Variants in SELENOI observed in about 807,000 individuals in gnomAD.
SELENOI encodes the protein selenoprotein I.
SELENOI carries 24 observed loss-of-function variants against 50.7 expected under a neutral mutation model. That is an observed-to-expected ratio of 0.47 (90% CI 0.34 to 0.67). The LOEUF is 0.67. Ranked by LOEUF, SELENOI falls within the 30% of genes least tolerant of loss-of-function variation. The pLI is 0.01. For missense variants in SELENOI, 352 were observed against 461.4 expected (o/e 0.76, Z 2.17); for synonymous variants, 155 against 170.2 (o/e 0.91, Z 0.70).
At chr2:26,384,501 C>T (rs1208306784) in intron 7 of SELENOI, among the ~76,000 whole-genome samples, 1 of 152,124 alleles carries the variant, frequency 6.6e-6, no homozygotes, top group African/African-American at 2.4e-5. Context: ...GTATGCCAGT[C>T]GCACCTCAGA....
At chr2:26,371,688 G>A (rs1055675694) in intron 4 of SELENOI, among the ~76,000 whole-genome samples, 1 of 151,716 alleles carries the variant, frequency 6.6e-6, no homozygotes, top group Non-Finnish European at 1.5e-5. Context: ...GCGAAACCCC[G>A]TCTCCACCAA....
intron 4 of SELENOI, among the ~76,000 whole-genome samples, chr2:26,370,065 T>G (rs559509587): frequency 6.6e-5 from 10 of 151,028 alleles, no homozygotes; most frequent in African/African-American, 2.0e-4. Context: ...TGACTCTTAA[T>G]GAGCATGCTG....
In SELENOI at chr2:26,346,146, A is replaced by C. The variant is rs1281209126; in HGVS notation, c.-87A>C. On this transcript the variant is annotated 5_prime_UTR_variant, in exon 1 of 10. Transcript: ENST00000260585. Reference sequence around the variant, plus strand: ...CTTCTCGGGCAGCCCAGTCTTTGCCATCCTTGCCCAGCCGGTGTGGTGCTT... The same window carrying C: ...CTTCTCGGGCAGCCCAGTCTTTGCCCTCCTTGCCCAGCCGGTGTGGTGCTT... 1 of 1,604,724 alleles carries C rather than the reference A, an allele frequency of 6.2e-7. No individual in the cohort carries two copies. The highest frequency in any genetic ancestry group is 1.3e-5 in the African/African-American group (1 of 74,766).
At chr2:26,351,055 G>GTTTTTTTTT (rs35623246) in intron 1 of SELENOI, among the ~76,000 whole-genome samples, 5 of 102,894 alleles carry the variant, frequency 4.9e-5, no homozygotes, top group Admixed American at 1.1e-4. Context: ...CTGTTTGTTT[G>GTTTTTTTTT]TTTTTTTTTT....
intron 4 of SELENOI, 43 bp from the exon 5 acceptor site, chr2:26,373,324 G>C: frequency 6.4e-7 from 1 of 1,573,052 alleles, no homozygotes; most frequent in Non-Finnish European, 8.6e-7. Context: ...TCTCCATCCT[G>C]GTGCATACGT....
At chr2:26,378,507 T>G (rs1185155983) in intron 6 of SELENOI, among the ~76,000 whole-genome samples, 1 of 152,224 alleles carries the variant, frequency 6.6e-6, no homozygotes, top group African/African-American at 2.4e-5. Context: ...ATCTCTCTCT[T>G]CTACAATATC....
intron 4 of SELENOI, among the ~76,000 whole-genome samples, chr2:26,372,945 G>A (rs1460146336): frequency 6.6e-6 from 1 of 152,180 alleles, no homozygotes; most frequent in Non-Finnish European, 1.5e-5. Flanking sequence ...CTGGAATGCA[G>A]TGGCATGATC....
At position 26,389,078 on chromosome 2, in the gene SELENOI, T is replaced by A. The variant is rs1677907968; in HGVS notation, c.1169T>A (p.Met390Lys). ...AAACCAAACTCAGATTGACTAGGAA[T>A]GGAAGAAAAGAATATTGGCCTGTAA... ...LRKPNSDULG[M>K]EEKNIGL Residue 390 changes from methionine (M) to lysine (K), a missense_variant, in exon 10 of 10, where the codon ATG becomes AAG. Transcript: ENST00000260585. The A allele has an allele frequency of 6.3e-7, 1 of 1,582,042 alleles. No homozygotes were observed.
intron 6 of SELENOI, among the ~76,000 whole-genome samples, chr2:26,377,354 G>A (rs1229569929): frequency 1.3e-5 from 2 of 151,942 alleles, no homozygotes; most frequent in Non-Finnish European, 2.9e-5. Context: ...TTTTCCCTGG[G>A]TGCGGTGGCT....
At chr2:26,373,317 C>G in intron 4 of SELENOI, 50 bp from the exon 5 acceptor site, 2 of 1,548,090 alleles carry the variant, frequency 1.3e-6, no homozygotes, top group Non-Finnish European at 1.7e-6. Flanking sequence ...AAGACTTTCT[C>G]CATCCTGGTG....
intron 4 of SELENOI, among the ~76,000 whole-genome samples, chr2:26,369,493 T>A (rs1041091015): frequency 1.3e-5 from 2 of 152,226 alleles, no homozygotes; most frequent in Admixed American, 6.5e-5. Context: ...CTTCTTGTCC[T>A]TAGGCCTTAT....
chr2:26,352,918 G>T (rs975530887), intron 1 of SELENOI, among the ~76,000 whole-genome samples: 2 of 149,696 alleles, frequency 1.3e-5, no homozygotes, highest in African/African-American at 2.5e-5. Flanking sequence ...AGCTGATGCT[G>T]AATAGTGCTT....
At chr2:26,346,549 A>G in intron 1 of SELENOI, 1 of 382,956 alleles carries the variant, frequency 2.6e-6, no homozygotes, top group Non-Finnish European at 4.7e-6. Flanking sequence ...GAGCGAGGGA[A>G]TTCCCTTCCT....
In SELENOI at chr2:26,391,706, T is replaced by G. The variant is rs1677974060; in HGVS notation, c.*2603T>G. On this transcript the variant is annotated 3_prime_UTR_variant, in exon 10 of 10. Coordinates refer to ENST00000260585, the MANE Select transcript of SELENOI (RefSeq NM_033505.4). ...CACCTGTAAGAAGTGTCTTTTTAGG[T>G]TATGGTATTAAAAAAGTCGTTTCAG... is the stretch of plus-strand genomic sequence containing the variant. 1 of 23,514 alleles carries G rather than the reference T, an allele frequency of 4.3e-5. No homozygotes were observed. The highest frequency in any genetic ancestry group is 2.7e-3 in the South Asian group (1 of 368). 1.5% of individuals were successfully genotyped at this position (23,514 alleles called of 1,614,324 possible).
intron 4 of SELENOI, among the ~76,000 whole-genome samples, chr2:26,369,386 T>C (rs1677359820): frequency 6.6e-6 from 1 of 152,248 alleles, no homozygotes; most frequent in South Asian, 2.1e-4. Flanking sequence ...AATTGTACTC[T>C]GCATCTTGTC....
intron 4 of SELENOI, among the ~76,000 whole-genome samples, chr2:26,368,509 C>T (rs1677338120): frequency 6.6e-6 from 1 of 152,188 alleles, no homozygotes; most frequent in Non-Finnish European, 1.5e-5. Context: ...CTTGAACGAA[C>T]ATGAAGCAGT....
chr2:26,374,564 G>GTTTTTT (rs747792225), intron 5 of SELENOI, among the ~76,000 whole-genome samples: 2 of 131,540 alleles, frequency 1.5e-5, no homozygotes, highest in African/African-American at 5.5e-5. Flanking sequence ...CTAAAAGATT[G>GTTTTTT]TATTTTTTTT....
intron 6 of SELENOI, among the ~76,000 whole-genome samples, chr2:26,379,834 T>C (rs1300215678): frequency 6.6e-6 from 1 of 152,226 alleles, no homozygotes; most frequent in Non-Finnish European, 1.5e-5. Flanking sequence ...TATTTTTATC[T>C]CCTTTAAACT....
intron 1 of SELENOI, among the ~76,000 whole-genome samples, chr2:26,353,823 T>A (rs1179724365): frequency 6.6e-6 from 1 of 152,230 alleles, no homozygotes; most frequent in Non-Finnish European, 1.5e-5. Flanking sequence ...AGTTCACTGA[T>A]GATGGCTTGT....
Sources: allele counts gnomAD v4.1 joint callset (sites outside exome capture counted in the v4.1 genomes callset), GRCh38; gene constraint gnomAD v4.1.1; transcripts MANE v1.5; gene names NCBI Gene and HGNC (gene_info 2026-07-23, HGNC 2026-07-21).